The following KIF1B variants were observed in gnomAD, a reference collection of about 807,000 sequenced individuals.
KIF1B encodes kinesin-like protein KIF1B.
KIF1B carries 76 observed loss-of-function variants against 241.9 expected under a neutral mutation model. That is an observed-to-expected ratio of 0.31 (90% CI 0.26 to 0.38). The LOEUF is 0.38. Ranked by LOEUF, KIF1B falls within the 10% of genes least tolerant of loss-of-function variation. KIF1B has a pLI of 1.00. For missense variants in KIF1B, 1,622 were observed against 2,271.4 expected, an observed-to-expected ratio of 0.71 and a Z score of 5.81; for synonymous variants, 750 against 796.7, an observed-to-expected ratio of 0.94 and a Z score of 0.99.
intron 35 of KIF1B, among the ~76,000 whole-genome samples, chr1:10,346,748 C>T (rs972758530): frequency 6.6e-6 from 1 of 152,220 alleles, no homozygotes; most frequent in African/African-American, 2.4e-5. Context: ...ATGGTAAAGA[C>T]TTACATTACT....
At chr1:10,327,501 C>CAAA (rs570948893) in intron 27 of KIF1B, among the ~76,000 whole-genome samples, 2,943 of 73,852 alleles carry the variant, frequency 0.04, 141 homozygotes, top group African/African-American at 0.12. Context: ...AACTCCGTCT[C>CAAA]AAAAAAAAAA....
chr1:10,330,479 TAA>T (rs35575898), intron 27 of KIF1B, among the ~76,000 whole-genome samples: 1 of 145,868 alleles, frequency 6.9e-6, no homozygotes. Flanking sequence ...AAGCTTTCTT[TAA>T]AAAAAAAAAA....
chr1:10,365,216 G>C lies in KIF1B; in HGVS notation c.4483G>C (p.Glu1495Gln). 1.2e-6 allele frequency: 2 copies of C among 1,614,082 alleles called. No individual in the cohort carries two copies. Among genetic ancestry groups the C allele is most frequent in the Non-Finnish European group, 1.7e-6 (2 of 1,180,010 alleles). ...CAGCCTCATCCTTGAGCACCAGTGG[G>C]AGCTGGAGAAGCTGGAGCTCCTACA... is the stretch of plus-strand genomic sequence containing the variant. Reference protein sequence around the residue: ...GDSLILEHQWELEKLELLHEV... With the variant: ...GDSLILEHQWQLEKLELLHEV... The change falls in exon 42 of 49, where the codon GAG becomes CAG. Residue 1495 changes from glutamate (E) to glutamine (Q), a missense_variant. This residue lies in a region of KIF1B where 357 missense variants were observed against 409.0 expected (regional missense o/e 0.87). Coordinates refer to ENST00000676179, the MANE Select transcript of KIF1B (RefSeq NM_001365951.3). The surrounding 1 kb of genome is among the most constrained non-coding windows in gnomAD (Gnocchi z 4.0).
At chr1:10,223,580 C>T (rs1465421231) in intron 1 of KIF1B, among the ~76,000 whole-genome samples, 4 of 135,118 alleles carry the variant, frequency 3.0e-5, no homozygotes, top group African/African-American at 1.1e-4. Flanking sequence ...CGGAGTCTTA[C>T]TCTGTCAACA....
rs1041694812 is a variant in KIF1B, at chr1:10,368,355, A to G, written c.4753-112A>G. 64 of 818,668 alleles carry G rather than the reference A, an allele frequency of 7.8e-5. No homozygotes were observed. The Middle Eastern group carries it at 1.7e-3, about 22-fold the overall frequency. 50.7% of individuals were successfully genotyped at this position (818,668 alleles called of 1,614,324 possible). ...TAGGGAGAGGAGATGTGGAGCTTCCATGCCCTCCCCGGGAACTCAGCCCTT... is the reference window on the plus strand; with the variant it reads ...TAGGGAGAGGAGATGTGGAGCTTCCGTGCCCTCCCCGGGAACTCAGCCCTT... On this transcript the variant is annotated intron_variant, in intron 43 of 48. Transcript: ENST00000676179.
chr1:10,368,978 C>T (rs941572431), intron 44 of KIF1B, among the ~76,000 whole-genome samples: 4 of 152,202 alleles, frequency 2.6e-5, no homozygotes, highest in Non-Finnish European at 2.9e-5. Context: ...TAAACCCTCC[C>T]GGCTCATTCC....
chr1:10,272,709 C>T (rs572464492), intron 9 of KIF1B, among the ~76,000 whole-genome samples: 1 of 148,954 alleles, frequency 6.7e-6, no homozygotes, highest in Admixed American at 6.7e-5. Flanking sequence ...GATTTGAGGG[C>T]CAGTAGTTTT....
At chr1:10,290,661 A>G (rs1391188798) in intron 15 of KIF1B, among the ~76,000 whole-genome samples, 1 of 151,636 alleles carries the variant, frequency 6.6e-6, no homozygotes, top group Non-Finnish European at 1.5e-5. Flanking sequence ...CACGAGGTCA[A>G]GAGCTTGAGA....
At chr1:10,261,775 G>A (rs930695595) in intron 4 of KIF1B, 130 bp from the exon 5 acceptor site, 1 of 715,474 alleles carries the variant, frequency 1.4e-6, no homozygotes, top group Non-Finnish European at 2.6e-6. Context: ...ATCGTATCTT[G>A]ATGTTTATGA....
chr1:10,345,938 T>G lies in KIF1B; in HGVS notation c.3782T>G (p.Leu1261Arg). Residue 1261 changes from leucine (L) to arginine (R), a missense_variant, in exon 35 of 49, where the codon CTG (leucine) becomes CGG (arginine). By Grantham distance (102) the Leu-to-Arg change is moderately radical (BLOSUM62 -2). Around this residue, in one of 7 missense-constraint regions of KIF1B, gnomAD observed 803 missense variants for 1,112.0 expected, o/e 0.72. Coordinates refer to ENST00000676179, the MANE Select transcript of KIF1B (RefSeq NM_001365951.3). ...CTGGTTTGGTTTGAGATCAGTGAAC[T>G]GGAGCCTACAGGAGAGTAAGTCCAA... is the stretch of plus-strand genomic sequence containing the variant. ...DLLVWFEISE[L>R]EPTGEYIPAV... 1 of 1,609,474 alleles carries G rather than the reference T, an allele frequency of 6.2e-7. No homozygotes were observed. The highest frequency in any genetic ancestry group is 8.5e-7 in the Non-Finnish European group (1 of 1,175,714).
chr1:10,305,327 T>A (rs1173635624), intron 22 of KIF1B: 36 of 1,047,850 alleles, frequency 3.4e-5, no homozygotes, highest in Non-Finnish European at 4.1e-5. Flanking sequence ...TGTATGAAAT[T>A]TGTCATATCA....
intron 22 of KIF1B, among the ~76,000 whole-genome samples, chr1:10,317,525 C>A: frequency 6.6e-6 from 1 of 151,216 alleles, no homozygotes; most frequent in Non-Finnish European, 1.5e-5. Flanking sequence ...TAAACAATAA[C>A]CTTTTATAAA....
chr1:10,215,143 T>TAC (rs1646746419), intron 1 of KIF1B, among the ~76,000 whole-genome samples: 1 of 37,004 alleles, frequency 2.7e-5, no homozygotes, highest in African/African-American at 1.1e-4. Context: ...ATATTTTATA[T>TAC]ATATATATAT....
chr1:10,221,502 C>A (rs956167029), intron 1 of KIF1B, among the ~76,000 whole-genome samples: 2 of 151,968 alleles, frequency 1.3e-5, no homozygotes, highest in African/African-American at 4.8e-5. Context: ...CATACAGACC[C>A]ACACACACAC....
intron 15 of KIF1B, among the ~76,000 whole-genome samples, chr1:10,287,963 G>A (rs527591784): frequency 3.0e-4 from 45 of 152,232 alleles, no homozygotes; most frequent in African/African-American, 1.0e-3. Flanking sequence ...TGTTTAGGTC[G>A]GGTGCATCCT....
At chr1:10,334,405 TAAGAC>T in intron 27 of KIF1B, 110 bp from the exon 28 acceptor site, 1 of 862,560 alleles carries the variant, frequency 1.2e-6, no homozygotes. Flanking sequence ...GAAGGGGTCT[TAAGAC>T]AAGGCCAGAA....
chr1:10,266,186 T>C (rs1648453236), intron 5 of KIF1B, among the ~76,000 whole-genome samples: 1 of 152,228 alleles, frequency 6.6e-6, no homozygotes, highest in Non-Finnish European at 1.5e-5. Context: ...TGACTGATGT[T>C]ATGAAACCAA....
intron 1 of KIF1B, among the ~76,000 whole-genome samples, chr1:10,225,974 C>T (rs537481248): frequency 1.3e-5 from 2 of 151,820 alleles, no homozygotes; most frequent in African/African-American, 4.8e-5. Flanking sequence ...GGATAATTCA[C>T]CTAATTGGAT....
intron 14 of KIF1B, among the ~76,000 whole-genome samples, chr1:10,281,445 G>A (rs1649401276): frequency 6.6e-6 from 1 of 152,034 alleles, no homozygotes; most frequent in African/African-American, 2.4e-5. Context: ...AAAATTAACA[G>A]TTCTATTAAA....
Sources: gnomAD v4.1 joint callset for allele counts (sites outside exome capture counted in the v4.1 genomes callset) on GRCh38, gnomAD v4.1.1 for gene constraint, gnomAD v4.1.1 regional missense constraint, Gnocchi (gnomAD v3.1) non-coding constraint, MANE v1.5 for transcripts, NCBI Gene and HGNC (gene_info 2026-07-23, HGNC 2026-07-21) for gene names.